Variants in SF3B5 observed in about 807,000 individuals in gnomAD.
The protein encoded by SF3B5 is splicing factor 3b subunit 5, also known as pre-mRNA-splicing factor SF3b 10 kDa subunit.
SF3B5 carries 3 observed loss-of-function variants against 7.0 expected under a neutral mutation model. That is an observed-to-expected ratio of 0.43 (90% CI 0.19 to 1.10). The LOEUF (loss-of-function observed/expected upper bound fraction) is 1.10, where lower values mean the gene tolerates loss of function less well. SF3B5 is among the 50% of genes least tolerant of loss of function. The pLI is 0.29. For missense variants in SF3B5, 73 were observed against 113.6 expected (o/e 0.64, Z 1.63); for synonymous variants, 51 against 44.8 (o/e 1.14, Z -0.55).
rs534303299 is a variant in SF3B5 at position 144,094,941 on chromosome 6, G to A, written c.*296C>T. ...ATGACAATCAATTAGCCAAAAACGAGACGCCAAATCCCATCTCACTCCAGC... is the reference window on the plus strand; with the variant it reads ...ATGACAATCAATTAGCCAAAAACGAAACGCCAAATCCCATCTCACTCCAGC... On this transcript the variant is annotated 3_prime_UTR_variant, in exon 1 of 1. Coordinates refer to ENST00000367569, the MANE Select transcript of SF3B5 (RefSeq NM_031287.3). The A allele has an allele frequency of 1.4e-4, 65 of 459,166 alleles. No homozygotes were observed. The highest frequency in any genetic ancestry group is 1.2e-3 in the African/African-American group (61 of 51,714). 28.4% of individuals were successfully genotyped at this position (459,166 alleles called of 1,614,324 possible). A position where few individuals can be genotyped will look rare whatever the true frequency, so the allele number is the denominator to read the frequency against.
rs764002713 is a variant in SF3B5 at position 144,095,393 on chromosome 6, T to C, written c.105A>G (p.Gln35=). The C allele has an allele frequency of 3.7e-6, 6 of 1,614,208 alleles. No individual in the cohort carries two copies. The highest frequency in any genetic ancestry group is 3.4e-6 in the Non-Finnish European group (4 of 1,180,032). ...TGTAGGAGCAGTACGAGTCGCGGTG[T>C]TGGTTCACCAGCCACTCCCACTTGG... is the stretch of plus-strand genomic sequence containing the variant. The part of the protein sequence containing the change: ...DTTKWEWLVN[Q]HRDSYCSYMG... The change falls in exon 1 of 1, where the codon CAA becomes CAG. Residue 35 remains glutamine (Q), a synonymous_variant. Transcript: ENST00000367569. The surrounding 1 kb of genome is among the most constrained non-coding windows in gnomAD (Gnocchi z 4.3).
In SF3B5 at chr6:144,095,567, G is replaced by T. The variant is rs1800130166; in HGVS notation, c.-70C>A. 6.3e-7 allele frequency: 1 copy of T among 1,579,034 alleles called. No individual in the cohort carries two copies. The highest frequency in any genetic ancestry group is 1.1e-5 in the South Asian group (1 of 87,736). ...CAACTCGCCGCTCTAGCGTTTTACA[G>T]GAGAGTGAAGCCACCGCGCGGAAGC... On this transcript the variant is annotated 5_prime_UTR_variant, in exon 1 of 1. It adds an upstream start codon to the 5' untranslated region. Coordinates refer to ENST00000367569, the MANE Select transcript of SF3B5 (RefSeq NM_031287.3). This position sits in a 1 kb window ranked among gnomAD's most constrained non-coding sequence, Gnocchi z 4.3.
rs547437993 is a variant in SF3B5, at chr6:144,095,313, G to A, written c.185C>T (p.Ala62Val). 3 of 1,614,272 alleles carry A rather than the reference G, an allele frequency of 1.9e-6. No homozygotes were observed. In the African/African-American group the frequency reaches 4.0e-5, roughly 22 times the overall value. The change falls in exon 1 of 1, where the codon GCG (alanine) becomes GTG (valine). Residue 62 changes from alanine to valine, a missense_variant. Physicochemically the swap from Ala to Val is moderately conservative, Grantham distance 64. This residue lies in a region of SF3B5 where 67 missense variants were observed against 82.7 expected (regional missense o/e 0.81). Coordinates refer to ENST00000367569, the MANE Select transcript of SF3B5 (RefSeq NM_031287.3). This position sits in a 1 kb window ranked among gnomAD's most constrained non-coding sequence, Gnocchi z 4.3. ...TTCCATCAAGTTGAAGCGGACTCGC[G>A]CTTTGCTCTCATTCTCCGCAATGGC... The part of the protein sequence containing the change: ...YFAIAENESK[A>V]RVRFNLMEKM...
Position 144,095,096 on chromosome 6 carries a change from G to C in SF3B5, c.*141C>G, listed in dbSNP as rs1270200937. ...AGGCAGGTCAGGCGGGACTCCCCGG[G>C]CAAGCACTTCTGTACGCGGAAAGCA... On this transcript the variant is annotated 3_prime_UTR_variant, in exon 1 of 1. Transcript: ENST00000367569. The surrounding 1 kb of genome is among the most constrained non-coding windows in gnomAD (Gnocchi z 4.3). 2 of 1,336,612 alleles carry C rather than the reference G, an allele frequency of 1.5e-6. No homozygotes were observed. The highest frequency in any genetic ancestry group is 2.9e-5 in the African/African-American group (2 of 69,280). 82.8% of individuals were successfully genotyped at this position (1,336,612 alleles called of 1,614,324 possible).
chr6:144,095,532 A>G lies in SF3B5; in HGVS notation c.-35T>C. 1 of 1,609,816 alleles carries G rather than the reference A, an allele frequency of 6.2e-7. No individual in the cohort carries two copies. The highest frequency in any genetic ancestry group is 8.5e-7 in the Non-Finnish European group (1 of 1,176,670). ...TTCCCCTTCGCTCTCAGGTCAGAGG[A>G]CGCAGGTAACAACTCGCCGCTCTAG... On this transcript the variant is annotated 5_prime_UTR_variant, in exon 1 of 1. Coordinates refer to ENST00000367569, the MANE Select transcript of SF3B5 (RefSeq NM_031287.3). This position sits in a 1 kb window ranked among gnomAD's most constrained non-coding sequence, Gnocchi z 4.3.
rs1481791960 is a variant in SF3B5 at position 144,094,884 on chromosome 6, T to C, written c.*353A>G. 5 of 306,622 alleles carry C rather than the reference T, an allele frequency of 1.6e-5. No individual in the cohort carries two copies. Among genetic ancestry groups the C allele is most frequent in the South Asian group, 7.2e-5 (2 of 27,774 alleles). 19.0% of individuals were successfully genotyped at this position (306,622 alleles called of 1,614,324 possible). A position where few individuals can be genotyped will look rare whatever the true frequency, so the allele number is the denominator to read the frequency against. ...ACACAGAAAGTTCACACCAAGAGAC[T>C]GAACGATTTCTAAACTTTATGGAAA... On this transcript the variant is annotated 3_prime_UTR_variant, in exon 1 of 1. Coordinates refer to ENST00000367569, the MANE Select transcript of SF3B5 (RefSeq NM_031287.3).
rs771243790 is a variant in SF3B5, at chr6:144,095,474, A to G, written c.24T>C (p.His8=). The G allele has an allele frequency of 5.0e-6, 8 of 1,614,162 alleles. No individual in the cohort carries two copies. Among genetic ancestry groups the G allele is most frequent in the Non-Finnish European group, 8.5e-7 (1 of 1,180,026 alleles). Residue 8 remains histidine (H), a synonymous_variant, in exon 1 of 1, where the codon CAT becomes CAC. Transcript: ENST00000367569. The surrounding 1 kb of genome is among the most constrained non-coding windows in gnomAD (Gnocchi z 4.3). MTDRYTI[H]SQLEHLQSKY... ...TGGACTGCAGGTGCTCCAGCTGGCT[A>G]TGGATGGTGTAGCGGTCAGTCATCT...
At position 144,095,012 on chromosome 6, in the gene SF3B5, C is replaced by G; in HGVS notation, c.*225G>C. The G allele has an allele frequency of 1.5e-6, 1 of 645,946 alleles. No homozygotes were observed. Among genetic ancestry groups the G allele is most frequent in the Non-Finnish European group, 2.7e-6 (1 of 375,500 alleles). The allele number at this position is 645,946 out of a possible 1,614,324, so 40.0% of individuals were successfully genotyped here. On this transcript the variant is annotated 3_prime_UTR_variant, in exon 1 of 1. Transcript: ENST00000367569. This position sits in a 1 kb window ranked among gnomAD's most constrained non-coding sequence, Gnocchi z 4.3. Reference sequence around the variant, plus strand: ...GCTCGCCGGCTCTAGGACCTCTCCACCAGCACAGTTCTCAGGAGTCCTGCT... The same window carrying G: ...GCTCGCCGGCTCTAGGACCTCTCCAGCAGCACAGTTCTCAGGAGTCCTGCT...
Position 144,095,134 on chromosome 6 carries a change from G to A in SF3B5, c.*103C>T. The A allele has an allele frequency of 1.3e-6, 2 of 1,539,860 alleles. No individual in the cohort carries two copies. The highest frequency in any genetic ancestry group is 1.8e-6 in the Non-Finnish European group (2 of 1,132,658). ...TACGCGGAAAGCACGAGGCGCAGGA[G>A]CCATGGAGAGCCGGTCCTTTGGAGA... On this transcript the variant is annotated 3_prime_UTR_variant, in exon 1 of 1. Transcript: ENST00000367569. This position sits in a 1 kb window ranked among gnomAD's most constrained non-coding sequence, Gnocchi z 4.3.
chr6:144,094,958 C>T lies in SF3B5; in HGVS notation c.*279G>A. On this transcript the variant is annotated 3_prime_UTR_variant, in exon 1 of 1. Coordinates refer to ENST00000367569, the MANE Select transcript of SF3B5 (RefSeq NM_031287.3). ...AAAAACGAGACGCCAAATCCCATCT[C>T]ACTCCAGCGCCATGCCCTCTTCTCA... 1 of 506,194 alleles carries T rather than the reference C, an allele frequency of 2.0e-6. No homozygotes were observed. The allele number at this position is 506,194 out of a possible 1,614,324, so 31.4% of individuals were successfully genotyped here.
Position 144,095,571 on chromosome 6 carries a change from A to C in SF3B5, c.-74T>G, listed in dbSNP as rs1015159144. On this transcript the variant is annotated 5_prime_UTR_variant, in exon 1 of 1. Transcript: ENST00000367569. The surrounding 1 kb of genome is among the most constrained non-coding windows in gnomAD (Gnocchi z 4.3). ...TCGCCGCTCTAGCGTTTTACAGGAG[A>C]GTGAAGCCACCGCGCGGAAGCTCCA... 1 of 1,572,446 alleles carries C rather than the reference A, an allele frequency of 6.4e-7. No homozygotes were observed. Among genetic ancestry groups the C allele is most frequent in the Non-Finnish European group, 8.7e-7 (1 of 1,155,168 alleles).
rs376365468 is a variant in SF3B5 at position 144,095,534 on chromosome 6, G to A, written c.-37C>T. ...CCCCTTCGCTCTCAGGTCAGAGGAC[G>A]CAGGTAACAACTCGCCGCTCTAGCG... On this transcript the variant is annotated 5_prime_UTR_variant, in exon 1 of 1. Transcript: ENST00000367569. This position sits in a 1 kb window ranked among gnomAD's most constrained non-coding sequence, Gnocchi z 4.3. The A allele has an allele frequency of 9.3e-6, 15 of 1,609,240 alleles. No homozygotes were observed. The African/African-American group carries it at 2.0e-4, about 21-fold the overall frequency.
Position 144,095,294 on chromosome 6 carries a change from C to T in SF3B5, c.204G>A (p.Leu68=). The T allele has an allele frequency of 1.2e-6, 2 of 1,614,278 alleles. No individual in the cohort carries two copies. Among genetic ancestry groups the T allele is most frequent in the Non-Finnish European group, 1.7e-6 (2 of 1,180,052 alleles). The part of the protein sequence containing the change: ...NESKARVRFN[L]MEKMLQPCGP... ...CACAAGGCTGAAGCATCTTTTCCAT[C>T]AAGTTGAAGCGGACTCGCGCTTTGC... Residue 68 remains leucine, a synonymous_variant, in exon 1 of 1, where the codon TTG becomes TTA. Transcript: ENST00000367569. The surrounding 1 kb of genome is among the most constrained non-coding windows in gnomAD (Gnocchi z 4.3).
chr6:144,095,128 G>T lies in SF3B5; in HGVS notation c.*109C>A. The T allele has an allele frequency of 6.6e-7, 1 of 1,523,080 alleles. No individual in the cohort carries two copies. The highest frequency in any genetic ancestry group is 8.9e-7 in the Non-Finnish European group (1 of 1,120,430). 94.3% of individuals were successfully genotyped at this position (1,523,080 alleles called of 1,614,324 possible). A position where few individuals can be genotyped will look rare whatever the true frequency, so the allele number is the denominator to read the frequency against. On this transcript the variant is annotated 3_prime_UTR_variant, in exon 1 of 1. Transcript: ENST00000367569. The surrounding 1 kb of genome is among the most constrained non-coding windows in gnomAD (Gnocchi z 4.3). The stretch of plus-strand genomic sequence containing the variant: ...CTTCTGTACGCGGAAAGCACGAGGC[G>T]CAGGAGCCATGGAGAGCCGGTCCTT...
rs773650296 is a variant in SF3B5, at chr6:144,094,995, G to GC, written c.*241dup. On this transcript the variant is annotated 3_prime_UTR_variant, in exon 1 of 1. Coordinates refer to ENST00000367569, the MANE Select transcript of SF3B5 (RefSeq NM_031287.3). ...ATGCCCTCTTCTCAAACGCTCGCCG[G>GC]CTCTAGGACCTCTCCACCAGCACAG... The GC allele has an allele frequency of 2.8e-5, 17 of 597,964 alleles. No homozygotes were observed. The highest frequency in any genetic ancestry group is 4.4e-5 in the Non-Finnish European group (15 of 339,832). The allele number at this position is 597,964 out of a possible 1,614,324, so 37.0% of individuals were successfully genotyped here.
In SF3B5 at chr6:144,095,172, A is replaced by G. The variant is rs1195608847; in HGVS notation, c.*65T>C. The stretch of plus-strand genomic sequence containing the variant: ...GGTCCTTTGGAGACAGGAATACTTA[A>G]GAGGATTGGCAAACCGGAGAAACGC... On this transcript the variant is annotated 3_prime_UTR_variant, in exon 1 of 1. Coordinates refer to ENST00000367569, the MANE Select transcript of SF3B5 (RefSeq NM_031287.3). The surrounding 1 kb of genome is among the most constrained non-coding windows in gnomAD (Gnocchi z 4.3). The G allele has an allele frequency of 3.1e-6, 5 of 1,603,232 alleles. No homozygotes were observed. The highest frequency in any genetic ancestry group is 4.5e-5 in the East Asian group (2 of 44,794).
rs961703529 is a variant in SF3B5 at position 144,095,381 on chromosome 6, C to G, written c.117G>C (p.Ser39=). ...CGAAGTGGCCCATGTAGGAGCAGTA[C>G]GAGTCGCGGTGTTGGTTCACCAGCC... ...WEWLVNQHRD[S]YCSYMGHFDL... Residue 39 remains serine, a synonymous_variant, in exon 1 of 1, where the codon TCG becomes TCC. Transcript: ENST00000367569. The surrounding 1 kb of genome is among the most constrained non-coding windows in gnomAD (Gnocchi z 4.3). 6.2e-7 allele frequency: 1 copy of G among 1,614,244 alleles called. No homozygotes were observed. The highest frequency in any genetic ancestry group is 2.2e-5 in the East Asian group (1 of 44,888).
rs930969045 is a variant in SF3B5 at position 144,095,162 on chromosome 6, G to A, written c.*75C>T. On this transcript the variant is annotated 3_prime_UTR_variant, in exon 1 of 1. Transcript: ENST00000367569. The surrounding 1 kb of genome is among the most constrained non-coding windows in gnomAD (Gnocchi z 4.3). Reference sequence around the variant, plus strand: ...ATGGAGAGCCGGTCCTTTGGAGACAGGAATACTTAAGAGGATTGGCAAACC... The same window carrying A: ...ATGGAGAGCCGGTCCTTTGGAGACAAGAATACTTAAGAGGATTGGCAAACC... 6.3e-7 allele frequency: 1 copy of A among 1,592,534 alleles called. No individual in the cohort carries two copies. Among genetic ancestry groups the A allele is most frequent in the Non-Finnish European group, 8.6e-7 (1 of 1,167,352 alleles).
At position 144,095,037 on chromosome 6, in the gene SF3B5, TG is replaced by T; in HGVS notation, c.*199del. 1 of 741,768 alleles carries T rather than the reference TG, an allele frequency of 1.3e-6. No homozygotes were observed. The highest frequency in any genetic ancestry group is 2.2e-6 in the Non-Finnish European group (1 of 448,432). The allele number at this position is 741,768 out of a possible 1,614,324, so 45.9% of individuals were successfully genotyped here. A position where few individuals can be genotyped will look rare whatever the true frequency, so the allele number is the denominator to read the frequency against. Reference sequence around the variant, plus strand: ...CCAGCACAGTTCTCAGGAGTCCTGCTGGTCTCCCAGTGCTGTTCTAAGGGTC... The same window carrying T: ...CCAGCACAGTTCTCAGGAGTCCTGCTGTCTCCCAGTGCTGTTCTAAGGGTC... On this transcript the variant is annotated 3_prime_UTR_variant, in exon 1 of 1. Transcript: ENST00000367569. This position sits in a 1 kb window ranked among gnomAD's most constrained non-coding sequence, Gnocchi z 4.3.
Sources: allele counts gnomAD v4.1 joint callset, GRCh38; gene constraint gnomAD v4.1.1; regional missense constraint gnomAD v4.1.1; non-coding constraint Gnocchi (gnomAD v3.1); transcripts MANE v1.5; gene names NCBI Gene and HGNC (gene_info 2026-07-23, HGNC 2026-07-21).